The following OPA1 variants were observed in gnomAD, a reference collection of about 807,000 sequenced individuals.
OPA1 encodes the protein OPA1 mitochondrial dynamin like GTPase.
In OPA1, 59 loss-of-function variants were observed where a neutral mutation model predicts 152.9. The observed-to-expected ratio is 0.39, with a 90% CI of 0.31 to 0.48. OPA1 has a LOEUF of 0.48. Ranked by LOEUF, OPA1 falls within the 20% of genes least tolerant of loss-of-function variation. The pLI, the probability that OPA1 is intolerant of heterozygous loss-of-function variation, is 0.96. For missense variants in OPA1, 1,008 were observed against 1,216.8 expected (o/e 0.83, Z 2.55); for synonymous variants, 400 against 389.9 (o/e 1.03, Z -0.31).
intron 7 of OPA1, among the ~76,000 whole-genome samples, chr3:193,626,544 T>C (rs1731181476): frequency 6.6e-6 from 1 of 152,174 alleles, no homozygotes; most frequent in Admixed American, 6.5e-5. Context: ...ACCTACTTGC[T>C]CCCCAAGTTT....
At chr3:193,678,321 T>C (rs1719525585) in intron 29 of OPA1, among the ~76,000 whole-genome samples, 1 of 152,192 alleles carries the variant, frequency 6.6e-6, no homozygotes, top group South Asian at 2.1e-4. Context: ...AGGGTTTTTT[T>C]TTTTAACATC....
At chr3:193,686,054 T>A (rs1013156329) in intron 29 of OPA1, among the ~76,000 whole-genome samples, 6 of 152,178 alleles carry the variant, frequency 3.9e-5, no homozygotes, top group African/African-American at 1.4e-4. Context: ...TTAAAAAAAA[T>A]TTTCATCAAA....
intron 25 of OPA1, among the ~76,000 whole-genome samples, chr3:193,660,280 T>G (rs191464603): frequency 9.7e-4 from 147 of 152,290 alleles, no homozygotes; most frequent in African/African-American, 3.5e-3. Flanking sequence ...TCTTTTCCTA[T>G]CTAGCATTCA....
intron 21 of OPA1, among the ~76,000 whole-genome samples, chr3:193,654,407 G>A (rs1713281487): frequency 6.6e-6 from 1 of 151,782 alleles, no homozygotes; most frequent in South Asian, 2.1e-4. Context: ...AAGGTGGGAG[G>A]ATGGCTTGAG....
chr3:193,686,763 T>C (rs140639411), intron 29 of OPA1, among the ~76,000 whole-genome samples: 1 of 152,218 alleles, frequency 6.6e-6, no homozygotes, highest in East Asian at 1.9e-4. Context: ...CTCTAGTGAA[T>C]AGCTTTCTAC....
chr3:193,664,978 G>C lies in OPA1; in HGVS notation c.2760G>C (p.Arg920Ser), dbSNP rs1192362976. The change falls in exon 27 of 31, where the codon AGG (arginine) becomes AGC (serine). Residue 920 changes from arginine (R) to serine (S), a missense_variant. By Grantham distance (110) the Arg-to-Ser change is moderately radical (BLOSUM62 -1). Around this residue, in one of 7 missense-constraint regions of OPA1, gnomAD observed 137 missense variants for 171.0 expected, o/e 0.80. Transcript: ENST00000361510. ...GAAGAGGTTTTTATTACTACCAAAG[G>C]CATTTTGTAGATTCTGAGGTAAGGT... ...LCRRGFYYYQRHFVDSELECN... is the reference protein window; with the variant it reads ...LCRRGFYYYQSHFVDSELECN... 2 of 1,585,418 alleles carry C rather than the reference G, an allele frequency of 1.3e-6. No individual in the cohort carries two copies.
intron 10 of OPA1, 30 bp from the exon 11 acceptor site, chr3:193,637,922 A>G: frequency 1.9e-6 from 3 of 1,544,482 alleles, no homozygotes; most frequent in Non-Finnish European, 2.7e-6. Flanking sequence ...TCAGAAAAAT[A>G]TGAATAAGTG....
chr3:193,683,617 A>G (rs900579301), intron 29 of OPA1, among the ~76,000 whole-genome samples: 5 of 152,172 alleles, frequency 3.3e-5, no homozygotes, highest in Non-Finnish European at 7.4e-5. Context: ...TGCCATAGCC[A>G]CCGTAACCTG....
At chr3:193,638,928 C>T (rs1023885285) in intron 11 of OPA1, among the ~76,000 whole-genome samples, 7 of 151,900 alleles carry the variant, frequency 4.6e-5, no homozygotes, top group Admixed American at 3.9e-4. Context: ...CAGCTGCAAG[C>T]GGTGCTGGCA....
rs780893632 is a variant in OPA1, at chr3:193,637,990, T to C, written c.1074T>C (p.Ser358=). The change falls in exon 11 of 31, where the codon AGT becomes AGC. Residue 358 remains serine, a synonymous_variant. Transcript: ENST00000361510. ...GAGATCAGAGTGCTGGAAAGACTAG[T>C]GTGTTGGAAATGATTGCCCAAGCTC... ...VVGDQSAGKT[S]VLEMIAQARI... 23 of 1,613,932 alleles carry C rather than the reference T, an allele frequency of 1.4e-5. No homozygotes were observed. In the South Asian group the frequency reaches 2.1e-4, roughly 15 times the overall value.
At chr3:193,595,937 T>G (rs920912984) in intron 1 of OPA1, among the ~76,000 whole-genome samples, 3 of 152,182 alleles carry the variant, frequency 2.0e-5, no homozygotes, top group Non-Finnish European at 4.4e-5. Flanking sequence ...ATATACCCTA[T>G]GTATATATGC....
chr3:193,649,243 G>A (rs946617808), intron 21 of OPA1, among the ~76,000 whole-genome samples: 2 of 152,216 alleles, frequency 1.3e-5, no homozygotes, highest in South Asian at 4.1e-4. Flanking sequence ...TTCTGAGTAA[G>A]AACAGTTAGT....
At position 193,645,814 on chromosome 3, in the gene OPA1, TAAAACATTTA is replaced by T. The variant is rs769392212; in HGVS notation, c.1754+17_1754+26del. The T allele has an allele frequency of 1.8e-5, 29 of 1,572,662 alleles. No individual in the cohort carries two copies. Among genetic ancestry groups the T allele is most frequent in the Non-Finnish European group, 2.4e-5 (28 of 1,143,092 alleles). On this transcript the variant is annotated intron_variant, in intron 18 of 30. Transcript: ENST00000361510. ...AAAGCTCCTAAAGTAGGTATCTTGT[TAAAACATTTA>T]AACATTTTACAGTAAGAGAGTAGCT... is the stretch of plus-strand genomic sequence containing the variant.
intron 6 of OPA1, among the ~76,000 whole-genome samples, chr3:193,622,764 T>C (rs1413924996): frequency 1.3e-5 from 2 of 152,216 alleles, no homozygotes; most frequent in African/African-American, 4.8e-5. Context: ...TTTCTGTTAC[T>C]AAATCTTTTT....
At chr3:193,674,088 T>C (rs2109337984) in intron 29 of OPA1, among the ~76,000 whole-genome samples, 1 of 152,366 alleles carries the variant, frequency 6.6e-6, no homozygotes, top group Admixed American at 6.5e-5. Flanking sequence ...CTTTATTGTT[T>C]GATGCCTGAG....
intron 29 of OPA1, among the ~76,000 whole-genome samples, chr3:193,677,041 G>C (rs548051200): frequency 6.7e-6 from 1 of 148,326 alleles, no homozygotes; most frequent in Non-Finnish European, 1.5e-5. Context: ...TAGTACAAGC[G>C]TAAAAGAACA....
intron 29 of OPA1, among the ~76,000 whole-genome samples, chr3:193,673,707 A>G (rs190456544): frequency 1.1e-4 from 16 of 152,322 alleles, no homozygotes; most frequent in African/African-American, 3.8e-4. Context: ...TAGAAATTAC[A>G]GTGTATTTAT....
intron 22 of OPA1, among the ~76,000 whole-genome samples, chr3:193,656,709 G>T (rs1316594121): frequency 1.3e-5 from 2 of 152,170 alleles, no homozygotes; most frequent in Non-Finnish European, 2.9e-5. Context: ...AGACAGCCCT[G>T]TTCAGCTACA....
intron 26 of OPA1, among the ~76,000 whole-genome samples, chr3:193,663,196 G>C (rs1341640484): frequency 6.6e-6 from 1 of 151,994 alleles, no homozygotes; most frequent in Admixed American, 6.5e-5. Flanking sequence ...AATTTACTTT[G>C]GCAAGTTCAA....
Sources: gnomAD v4.1 joint callset for allele counts (sites outside exome capture counted in the v4.1 genomes callset) on GRCh38, gnomAD v4.1.1 for gene constraint, gnomAD v4.1.1 regional missense constraint, MANE v1.5 for transcripts, NCBI Gene and HGNC (gene_info 2026-07-23, HGNC 2026-07-21) for gene names.